SLCO6A1: variants seen among roughly 807,000 people sequenced by gnomAD.
SLCO6A1 encodes cancer/testis antigen 48.
Under a neutral mutation model 72.7 loss-of-function variants are expected in SLCO6A1, and 65 were observed. The ratio of observed to expected loss-of-function variants is 0.89; its 90% CI spans 0.73 to 1.10. The LOEUF is 1.10. Ranked by LOEUF, SLCO6A1 falls within the 50% of genes least tolerant of loss-of-function variation. The pLI, the probability that SLCO6A1 is intolerant of heterozygous loss-of-function variation, is 0.00. For missense variants in SLCO6A1, 874 were observed against 872.6 expected (o/e 1.00, Z -0.02); for synonymous variants, 314 against 298.2 (o/e 1.05, Z -0.55).
At chr5:102,414,928 TAAATAAATA>T (rs1748196406) in intron 8 of SLCO6A1, among the ~76,000 whole-genome samples, 1 of 141,040 alleles carries the variant, frequency 7.1e-6, no homozygotes, top group Non-Finnish European at 1.7e-5. Flanking sequence ...AATAAATAAA[TAAATAAATA>T]AATTAATTAA....
chr5:102,445,471 A>G (rs914016824), intron 6 of SLCO6A1, among the ~76,000 whole-genome samples: 2 of 151,890 alleles, frequency 1.3e-5, no homozygotes, highest in African/African-American at 4.8e-5. Context: ...TGAGTTATTT[A>G]TCGACCTTTG....
At chr5:102,455,003 T>C (rs1750624922) in intron 6 of SLCO6A1, among the ~76,000 whole-genome samples, 1 of 96,012 alleles carries the variant, frequency 1.0e-5, no homozygotes, top group South Asian at 3.5e-4. Flanking sequence ...ACAAAATATA[T>C]ATAAATATAT....
At chr5:102,489,122 C>T (rs1399757832) in intron 1 of SLCO6A1, among the ~76,000 whole-genome samples, 1 of 152,182 alleles carries the variant, frequency 6.6e-6, no homozygotes, top group South Asian at 2.1e-4. Flanking sequence ...GAGCAATGCT[C>T]AAGAGCTTCT....
intron 7 of SLCO6A1, among the ~76,000 whole-genome samples, chr5:102,437,370 T>C (rs1580426053): frequency 6.6e-6 from 1 of 152,148 alleles, no homozygotes; most frequent in African/African-American, 2.4e-5. Flanking sequence ...AGCCACCTGA[T>C]TTTTTAAGAT....
chr5:102,399,238 T>A (rs150546998), intron 10 of SLCO6A1, among the ~76,000 whole-genome samples: 2 of 151,086 alleles, frequency 1.3e-5, no homozygotes, highest in African/African-American at 4.9e-5. Context: ...CCAATTATAA[T>A]GAGTTAACAT....
intron 1 of SLCO6A1, among the ~76,000 whole-genome samples, chr5:102,491,870 A>G (rs1180278443): frequency 6.6e-6 from 1 of 152,252 alleles, no homozygotes; most frequent in African/African-American, 2.4e-5. Flanking sequence ...GCAGAGAGCG[A>G]GCGAGGGCTG....
chr5:102,469,301 A>G (rs560635980), intron 4 of SLCO6A1, among the ~76,000 whole-genome samples: 1 of 152,254 alleles, frequency 6.6e-6, no homozygotes, highest in East Asian at 1.9e-4. Flanking sequence ...TGAGCATGGA[A>G]TATTCTTCCA....
At chr5:102,466,358 G>T (rs1405023866) in intron 4 of SLCO6A1, among the ~76,000 whole-genome samples, 2 of 151,970 alleles carry the variant, frequency 1.3e-5, no homozygotes, top group Admixed American at 1.3e-4. Flanking sequence ...ACATGATCTT[G>T]TTCCTTTTTA....
chr5:102,458,242 A>C (rs1032477456), intron 6 of SLCO6A1, 140 bp downstream of exon 6: 1 of 587,402 alleles, frequency 1.7e-6, no homozygotes, highest in Admixed American at 3.0e-5. Context: ...CCTAAAACTT[A>C]AAGTATAATA....
chr5:102,441,088 T>G (rs916507031), intron 6 of SLCO6A1, among the ~76,000 whole-genome samples: 1 of 152,232 alleles, frequency 6.6e-6, no homozygotes, highest in African/African-American at 2.4e-5. Flanking sequence ...GTTTCTTTCA[T>G]AGAACAGAAA....
At chr5:102,401,081 C>T (rs1463319565) in intron 9 of SLCO6A1, among the ~76,000 whole-genome samples, 2 of 151,684 alleles carry the variant, frequency 1.3e-5, no homozygotes, top group Non-Finnish European at 2.9e-5. Flanking sequence ...TAGGACAATA[C>T]TTAACATGAT....
chr5:102,474,959 T>C lies in SLCO6A1; in HGVS notation c.899+738A>G, dbSNP rs76212258. On this transcript the variant is annotated intron_variant, in intron 4 of 13. Transcript: ENST00000506729. ...CAGTATTGGTGAGGATGTGGAGAAA[T>C]TGGAACCCTGTGCACTGCAGGAATG... Among the ~76,000 whole-genome samples, 1,266 of 152,022 alleles carry C rather than the reference T, an allele frequency of 8.3e-3. 12 individuals are homozygous for C. The highest frequency in any genetic ancestry group is 0.015 in the Non-Finnish European group (1,007 of 67,908).
intron 12 of SLCO6A1, among the ~76,000 whole-genome samples, chr5:102,380,037 CAA>C (rs1303850404): frequency 2.0e-5 from 3 of 151,820 alleles, no homozygotes; most frequent in Non-Finnish European, 2.9e-5. Context: ...TATTTGGAAA[CAA>C]AATTGATTTG....
chr5:102,434,946 A>G (rs1371018884), intron 7 of SLCO6A1, among the ~76,000 whole-genome samples: 1 of 152,238 alleles, frequency 6.6e-6, no homozygotes, highest in African/African-American at 2.4e-5. Context: ...CAGGTGAATT[A>G]TCAGAATTTT....
chr5:102,418,133 G>A (rs1486907303), intron 8 of SLCO6A1, among the ~76,000 whole-genome samples: 2 of 151,382 alleles, frequency 1.3e-5, no homozygotes, highest in East Asian at 3.9e-4. Flanking sequence ...CTTCTTACCT[G>A]CATTTGTTTC....
chr5:102,402,645 C>A lies in SLCO6A1; in HGVS notation c.1627-2903G>T, dbSNP rs577658907. The stretch of plus-strand genomic sequence containing the variant: ...GCAAAATGGTAAGAGAACAGGAGCA[C>A]AAGAGAGGGCCAAACTGTTTTTATA... On this transcript the variant is annotated intron_variant, in intron 9 of 13. Transcript: ENST00000506729. Among the ~76,000 whole-genome samples the A allele has an allele frequency of 1.3e-4, 20 of 152,148 alleles. No individual in the cohort carries two copies. In the South Asian group the frequency reaches 4.2e-3, roughly 32 times the overall value.
In SLCO6A1 at chr5:102,457,946, T is replaced by C. The variant is rs538665765; in HGVS notation, c.1131+436A>G. 1.3e-3 allele frequency among the ~76,000 whole-genome samples: 199 copies of C among 152,232 alleles called. 1 individual carries two copies. Among genetic ancestry groups the C allele is most frequent in the African/African-American group, 4.5e-3 (187 of 41,534 alleles). On this transcript the variant is annotated intron_variant, in intron 6 of 13. Coordinates refer to ENST00000506729, the MANE Select transcript of SLCO6A1 (RefSeq NM_173488.5). ...CATAAAAATGATGAGTCCATGTCCT[T>C]TGTAGGGACATGGATGAAGCTGGAA... is the stretch of plus-strand genomic sequence containing the variant.
intron 6 of SLCO6A1, among the ~76,000 whole-genome samples, chr5:102,448,735 A>G (rs1418612891): frequency 6.6e-6 from 1 of 152,020 alleles, no homozygotes; most frequent in Non-Finnish European, 1.5e-5. Context: ...ATATTTCTCC[A>G]TCCTTTTACT....
chr5:102,468,676 G>A (rs912557120), intron 4 of SLCO6A1, among the ~76,000 whole-genome samples: 4 of 151,926 alleles, frequency 2.6e-5, no homozygotes, highest in Middle Eastern at 3.2e-3. Flanking sequence ...GTTACCATTT[G>A]CATGGAATAT....
Sources: allele counts gnomAD v4.1 joint callset (sites outside exome capture counted in the v4.1 genomes callset), GRCh38; gene constraint gnomAD v4.1.1; transcripts MANE v1.5; gene names NCBI Gene and HGNC (gene_info 2026-07-23, HGNC 2026-07-21).